The following FIG4 variants were observed in gnomAD, a reference collection of about 807,000 sequenced individuals.
FIG4 encodes polyphosphoinositide phosphatase.
A neutral mutation model predicts 118.6 loss-of-function variants in FIG4; 112 were observed. The ratio of observed to expected loss-of-function variants is 0.94; its 90% CI spans 0.81 to 1.11. The LOEUF (loss-of-function observed/expected upper bound fraction) is 1.11. FIG4 is among the 50% of genes least tolerant of loss of function. The probability of loss-of-function intolerance (pLI) is 0.00; values close to 1 mark genes in which losing one functional copy is unlikely to be tolerated. For missense variants in FIG4, 969 were observed against 1,111.7 expected (o/e 0.87, Z 1.83); for synonymous variants, 369 against 381.2 (o/e 0.97, Z 0.37).
At chr6:109,823,251 A>C (rs887016332) in intron 22 of FIG4, among the ~76,000 whole-genome samples, 6 of 152,084 alleles carry the variant, frequency 3.9e-5, no homozygotes, top group Non-Finnish European at 8.8e-5. Context: ...TGCTGTCCTC[A>C]TGCTCTCTCT....
intron 1 of FIG4, among the ~76,000 whole-genome samples, chr6:109,712,999 G>A (rs1204732467): frequency 6.6e-6 from 1 of 152,120 alleles, no homozygotes; most frequent in Non-Finnish European, 1.5e-5. Flanking sequence ...GATTATAGGG[G>A]GCCAACGTTC....
chr6:109,768,208 G>C (rs944588584), intron 15 of FIG4, among the ~76,000 whole-genome samples: 6 of 152,142 alleles, frequency 3.9e-5, no homozygotes, highest in Admixed American at 1.3e-4. Context: ...GCCCCTGGAA[G>C]GACAGAGAGA....
intron 10 of FIG4, among the ~76,000 whole-genome samples, chr6:109,754,073 G>A (rs1468336227): frequency 1.3e-5 from 2 of 152,104 alleles, no homozygotes; most frequent in East Asian, 3.8e-4. Context: ...ATTGGCTGTG[G>A]GTTTGACACA....
chr6:109,714,084 C>T (rs1441663204), intron 1 of FIG4, among the ~76,000 whole-genome samples: 1 of 152,196 alleles, frequency 6.6e-6, no homozygotes, highest in Non-Finnish European at 1.5e-5. Context: ...TCTGCATAAG[C>T]CAGCGTGTTG....
At chr6:109,720,106 A>G (rs1250737389) in intron 3 of FIG4, among the ~76,000 whole-genome samples, 1 of 152,218 alleles carries the variant, frequency 6.6e-6, no homozygotes. Context: ...TTAACCTGCA[A>G]GTAAAGTAAG....
At chr6:109,695,981 G>T (rs1774706791) in intron 1 of FIG4, among the ~76,000 whole-genome samples, 1 of 152,122 alleles carries the variant, frequency 6.6e-6, no homozygotes, top group Non-Finnish European at 1.5e-5. Flanking sequence ...TTTAATCAGG[G>T]AACAAACAAG....
intron 1 of FIG4, among the ~76,000 whole-genome samples, chr6:109,695,653 G>A (rs577080769): frequency 5.3e-5 from 8 of 151,688 alleles, no homozygotes; most frequent in East Asian, 3.9e-4. Context: ...CTCTTGGCCC[G>A]TCTGCTTTGC....
intron 22 of FIG4, 43 bp downstream of exon 22, chr6:109,796,894 GC>G (rs1335794627): frequency 1.8e-6 from 2 of 1,089,618 alleles, no homozygotes; most frequent in South Asian, 2.5e-5. Context: ...TTGTATTCAT[GC>G]CACTCATAGG....
intron 3 of FIG4, among the ~76,000 whole-genome samples, chr6:109,725,410 A>G (rs1775772484): frequency 6.6e-6 from 1 of 152,090 alleles, no homozygotes; most frequent in Admixed American, 6.6e-5. Context: ...TGCTTCATCC[A>G]TGTCCCTGCA....
intron 4 of FIG4, among the ~76,000 whole-genome samples, chr6:109,729,371 C>T (rs1272181972): frequency 1.3e-5 from 2 of 152,050 alleles, no homozygotes; most frequent in Non-Finnish European, 2.9e-5. Context: ...CAAAATTGTT[C>T]TTAGAAGTGA....
At chr6:109,742,398 C>T (rs1234074280) in intron 8 of FIG4, among the ~76,000 whole-genome samples, 4 of 152,136 alleles carry the variant, frequency 2.6e-5, no homozygotes, top group South Asian at 2.1e-4. Context: ...TTGAGTGCTC[C>T]GTCTCTGTTT....
At chr6:109,696,588 A>T (rs1774728285) in intron 1 of FIG4, among the ~76,000 whole-genome samples, 1 of 152,242 alleles carries the variant, frequency 6.6e-6, no homozygotes, top group South Asian at 2.1e-4. Flanking sequence ...TGTCATTCAC[A>T]GCAAATATGG....
At chr6:109,818,028 A>T (rs1778908672) in intron 22 of FIG4, among the ~76,000 whole-genome samples, 1 of 152,196 alleles carries the variant, frequency 6.6e-6, no homozygotes, top group Non-Finnish European at 1.5e-5. Flanking sequence ...CCATCAGAGG[A>T]GCTGCTGTGT....
At chr6:109,800,909 A>T (rs1320560556) in intron 22 of FIG4, among the ~76,000 whole-genome samples, 1 of 152,166 alleles carries the variant, frequency 6.6e-6, no homozygotes, top group Non-Finnish European at 1.5e-5. Context: ...ACCTGTGACC[A>T]AATGCCAGGT....
intron 3 of FIG4, among the ~76,000 whole-genome samples, chr6:109,718,983 A>G (rs1477394133): frequency 6.7e-6 from 1 of 149,758 alleles, no homozygotes; most frequent in African/African-American, 2.5e-5. Flanking sequence ...CAGTGGCGCG[A>G]CCTTGGCTAA....
Position 109,727,225 on chromosome 6 carries a change from C to T in FIG4, c.406C>T (p.Pro136Ser). The T allele has an allele frequency of 6.2e-7, 1 of 1,612,546 alleles. No homozygotes were observed. Among genetic ancestry groups the T allele is most frequent in the African/African-American group, 1.3e-5 (1 of 74,894 alleles). ...KVEDTNMIYI[P>S]NDSVRVTHPD... Reference sequence around the variant, plus strand: ...CGAAGATACAAATATGATCTATATACCCAATGATTCTGTACGGGTTACTCA... The same window carrying T: ...CGAAGATACAAATATGATCTATATATCCAATGATTCTGTACGGGTTACTCA... Residue 136 changes from proline (P) to serine (S), a missense_variant, in exon 4 of 23, where the codon CCC (proline) becomes TCC (serine). By Grantham distance (74) the Pro-to-Ser change is moderately conservative (BLOSUM62 -1). Around this residue, in one of 3 missense-constraint regions of FIG4, gnomAD observed 393 missense variants for 409.4 expected, o/e 0.96. Transcript: ENST00000230124.
intron 17 of FIG4, among the ~76,000 whole-genome samples, chr6:109,785,304 A>G (rs1323830923): frequency 6.6e-6 from 1 of 152,180 alleles, no homozygotes; most frequent in African/African-American, 2.4e-5. Flanking sequence ...TTAGTCAGTA[A>G]AATATGATAT....
intron 22 of FIG4, among the ~76,000 whole-genome samples, chr6:109,810,207 A>G (rs534826155): frequency 6.6e-5 from 10 of 152,328 alleles, no homozygotes; most frequent in African/African-American, 2.4e-4. Context: ...TTCAGGGTGC[A>G]TGGATGTAGG....
At chr6:109,768,716 A>G (rs941434483) in intron 15 of FIG4, among the ~76,000 whole-genome samples, 5 of 152,116 alleles carry the variant, frequency 3.3e-5, no homozygotes, top group Non-Finnish European at 7.4e-5. Flanking sequence ...GTAATGTAAT[A>G]ATGGGAGTGA....
Sources: gnomAD v4.1 joint callset for allele counts (sites outside exome capture counted in the v4.1 genomes callset) on GRCh38, gnomAD v4.1.1 for gene constraint, gnomAD v4.1.1 regional missense constraint, MANE v1.5 for transcripts, NCBI Gene and HGNC (gene_info 2026-07-23, HGNC 2026-07-21) for gene names.